Variants in CNTN4 observed in about 807,000 individuals in gnomAD.
CNTN4 encodes the protein contactin 4.
In CNTN4, 77 loss-of-function variants were observed where a neutral mutation model predicts 122.5. The observed-to-expected ratio is 0.63, with a 90% CI of 0.52 to 0.76. CNTN4 has a LOEUF of 0.76. Among genes scored for constraint, CNTN4 ranks in the 30% least tolerant of loss-of-function variants. The pLI, the probability that CNTN4 is intolerant of heterozygous loss-of-function variation, is 0.00. For synonymous variants in CNTN4, 512 were observed against 447.0 expected (o/e 1.15, Z -1.83); for missense variants, 1,256 against 1,259.1 (o/e 1.00, Z 0.04).
intron 3 of CNTN4, among the ~76,000 whole-genome samples, chr3:2,398,974 A>G (rs1374872053): frequency 1.3e-5 from 2 of 152,180 alleles, no homozygotes; most frequent in Non-Finnish European, 2.9e-5. Flanking sequence ...GGCCAAATCA[A>G]AGGTAGTAGG....
chr3:2,480,213 G>A (rs559252188), intron 3 of CNTN4, among the ~76,000 whole-genome samples: 1 of 152,046 alleles, frequency 6.6e-6, no homozygotes, highest in East Asian at 1.9e-4. Context: ...CAGAAACAAA[G>A]CAAGGATAAC....
At chr3:2,721,153 G>T (rs903442115) in intron 4 of CNTN4, among the ~76,000 whole-genome samples, 9 of 151,920 alleles carry the variant, frequency 5.9e-5, no homozygotes, top group Non-Finnish European at 7.4e-5. Context: ...TATATTTTTA[G>T]TAGAGATGAG....
chr3:2,701,519 C>T (rs933668309), intron 4 of CNTN4, among the ~76,000 whole-genome samples: 3 of 152,218 alleles, frequency 2.0e-5, no homozygotes, highest in Non-Finnish European at 4.4e-5. Context: ...TGAAGATCCA[C>T]TTATCCAATT....
At chr3:2,820,368 T>C (rs2092835256) in intron 7 of CNTN4, among the ~76,000 whole-genome samples, 1 of 152,212 alleles carries the variant, frequency 6.6e-6, no homozygotes, top group African/African-American at 2.4e-5. Context: ...GAGTGAGGTC[T>C]GAAGGGTTGT....
rs1460265520 is a variant in CNTN4, at chr3:2,616,652, C to G, written c.55+45094C>G. The stretch of plus-strand genomic sequence containing the variant: ...GTCACCAGCGTCTATTGTTTCTTGA[C>G]TTTTTAATAATCGCCATTCTGACTG... On this transcript the variant is annotated intron_variant, in intron 4 of 24. Transcript: ENST00000418658. Among the ~76,000 whole-genome samples the G allele has an allele frequency of 4.6e-5, 7 of 152,096 alleles. No individual in the cohort carries two copies. In the East Asian group the frequency reaches 5.8e-4, roughly 13 times the overall value.
chr3:2,824,411 C>A (rs185218887), intron 7 of CNTN4, among the ~76,000 whole-genome samples: 21 of 151,868 alleles, frequency 1.4e-4, no homozygotes. Context: ...GAGTGGAGAT[C>A]GCGCCACTGC....
At chr3:3,003,244 C>T (rs1696225922) in intron 14 of CNTN4, among the ~76,000 whole-genome samples, 1 of 152,144 alleles carries the variant, frequency 6.6e-6, no homozygotes, top group South Asian at 2.1e-4. Context: ...GACTTTAAAA[C>T]TGAGCCATGT....
chr3:2,845,931 A>C (rs1391106285), intron 7 of CNTN4, among the ~76,000 whole-genome samples: 4 of 152,212 alleles, frequency 2.6e-5, no homozygotes, highest in Admixed American at 1.3e-4. Context: ...TGAGCTAATC[A>C]GGTATTTTAA....
intron 13 of CNTN4, among the ~76,000 whole-genome samples, chr3:2,933,331 G>A (rs1159532687): frequency 1.3e-5 from 2 of 152,104 alleles, no homozygotes; most frequent in African/African-American, 4.8e-5. Context: ...TGGTTTTAGG[G>A]CTAGTTTATA....
chr3:2,505,673 A>G (rs1035189608), intron 3 of CNTN4, among the ~76,000 whole-genome samples: 2 of 152,210 alleles, frequency 1.3e-5, no homozygotes, highest in Admixed American at 1.3e-4. Context: ...TTAATTTCAT[A>G]TTCTCAGAAT....
chr3:3,043,778 G>A, intron 23 of CNTN4, 74 bp downstream of exon 23: 1 of 957,008 alleles, frequency 1.0e-6, no homozygotes, highest in Non-Finnish European at 1.7e-6. Context: ...GAATTATACA[G>A]TTGTCTGCAT....
At chr3:2,179,216 C>A (rs1303312426) in intron 2 of CNTN4, among the ~76,000 whole-genome samples, 1 of 151,884 alleles carries the variant, frequency 6.6e-6, no homozygotes, top group Admixed American at 6.6e-5. Context: ...ATTATTTGTA[C>A]CTTATTAAGT....
chr3:2,507,643 G>C, intron 3 of CNTN4, among the ~76,000 whole-genome samples: 1 of 151,214 alleles, frequency 6.6e-6, no homozygotes, highest in East Asian at 2.0e-4. Context: ...GCTGAGGCAG[G>C]AGAATCACTT....
chr3:2,106,513 T>G (rs1559246413), intron 2 of CNTN4, among the ~76,000 whole-genome samples: 1 of 152,210 alleles, frequency 6.6e-6, no homozygotes, highest in Admixed American at 6.5e-5. Flanking sequence ...GCTTACACCT[T>G]CCGAAGCAAC....
chr3:2,609,865 T>G (rs1472972299), intron 4 of CNTN4, among the ~76,000 whole-genome samples: 1 of 152,210 alleles, frequency 6.6e-6, no homozygotes, highest in East Asian at 1.9e-4. Context: ...ACTTTATATG[T>G]AGCACTTGGT....
intron 8 of CNTN4, among the ~76,000 whole-genome samples, chr3:2,876,487 T>G (rs2150929357): frequency 6.6e-6 from 1 of 151,982 alleles, no homozygotes; most frequent in East Asian, 1.9e-4. Flanking sequence ...CAGGAGAAAA[T>G]CCCACTCTGT....
chr3:2,708,459 G>A (rs1004037800), intron 4 of CNTN4, among the ~76,000 whole-genome samples: 8 of 152,262 alleles, frequency 5.3e-5, no homozygotes, highest in East Asian at 3.9e-4. Flanking sequence ...GAGGGGATAC[G>A]TTCTCTAGAT....
chr3:2,357,605 A>G (rs1031988707), intron 3 of CNTN4, among the ~76,000 whole-genome samples: 11 of 152,228 alleles, frequency 7.2e-5, no homozygotes, highest in Admixed American at 1.3e-4. Flanking sequence ...GATTGATACT[A>G]AAATTTTGAC....
chr3:2,444,810 G>A (rs1329392982), intron 3 of CNTN4, among the ~76,000 whole-genome samples: 2 of 151,888 alleles, frequency 1.3e-5, no homozygotes, highest in African/African-American at 4.8e-5. Context: ...TTTTACTTAT[G>A]TGGTTTTATT....
Sources: gnomAD v4.1 joint callset for allele counts (sites outside exome capture counted in the v4.1 genomes callset) on GRCh38, gnomAD v4.1.1 for gene constraint, MANE v1.5 for transcripts, NCBI Gene and HGNC (gene_info 2026-07-23, HGNC 2026-07-21) for gene names.